The following IQGAP2 variants were observed in gnomAD, a reference collection of about 807,000 sequenced individuals.
IQGAP2 encodes IQ motif containing GTPase activating protein 2, also known as ras GTPase-activating-like protein IQGAP2.
A neutral mutation model predicts 201.3 loss-of-function variants in IQGAP2; 173 were observed. The ratio of observed to expected loss-of-function variants is 0.86; its 90% CI spans 0.76 to 0.98. IQGAP2 has a LOEUF of 0.98. Among genes scored for constraint, IQGAP2 ranks in the 50% least tolerant of loss-of-function variants. The probability of loss-of-function intolerance (pLI) is 0.00; values close to 1 mark genes in which losing one functional copy is unlikely to be tolerated. For missense variants in IQGAP2, 1,687 were observed against 1,864.8 expected, an observed-to-expected ratio of 0.90 and a Z score of 1.76; for synonymous variants, 675 against 673.9, an observed-to-expected ratio of 1.00 and a Z score of -0.03.
chr5:76,438,023 T>G lies in IQGAP2; in HGVS notation c.47-23547T>G, dbSNP rs1561371521. 2.6e-3 allele frequency among the ~76,000 whole-genome samples: 142 copies of G among 54,540 alleles called. 1 individual carries two copies. Among genetic ancestry groups the G allele is most frequent in the African/African-American group, 9.1e-3 (138 of 15,218 alleles). 35.8% of individuals were successfully genotyped at this position (54,540 alleles called of 152,430 possible). ...TTGGTCTGTAGTTTTTTTTTTTTTT[T>G]TTTTTTTGTTTGTTTTTTTTTTTGT... On this transcript the variant is annotated intron_variant, in intron 1 of 35. Transcript: ENST00000274364.
intron 30 of IQGAP2, 81 bp from the exon 31 acceptor site, chr5:76,693,274 T>A: frequency 1.2e-6 from 1 of 824,276 alleles, no homozygotes; most frequent in East Asian, 2.6e-5. Context: ...TGTATGTGTT[T>A]GTGCACTCTC....
intron 2 of IQGAP2, among the ~76,000 whole-genome samples, chr5:76,493,849 G>T (rs557017558): frequency 6.6e-6 from 1 of 152,176 alleles, no homozygotes; most frequent in Non-Finnish European, 1.5e-5. Context: ...TTGTTTATGA[G>T]AAAGAAAGGT....
At chr5:76,597,742 C>A in intron 10 of IQGAP2, 140 bp downstream of exon 10, 1 of 762,264 alleles carries the variant, frequency 1.3e-6, no homozygotes, top group Non-Finnish European at 2.1e-6. Flanking sequence ...CCACCTGTAC[C>A]AATTCCAAGG....
At chr5:76,501,041 C>T (rs964978071) in intron 2 of IQGAP2, among the ~76,000 whole-genome samples, 4 of 151,580 alleles carry the variant, frequency 2.6e-5, no homozygotes, top group African/African-American at 7.3e-5. Context: ...TTGGAGGCAC[C>T]GTGTACATTT....
intron 34 of IQGAP2, chr5:76,701,713 T>TTC (rs1747412201): frequency 6.6e-6 from 1 of 152,622 alleles, no homozygotes. Flanking sequence ...TTCCATCACT[T>TTC]TCTTGTCCTA....
intron 15 of IQGAP2, among the ~76,000 whole-genome samples, chr5:76,636,431 T>C (rs1751131393): frequency 6.6e-6 from 1 of 152,232 alleles, no homozygotes; most frequent in South Asian, 2.1e-4. Context: ...AAAAAATTTT[T>C]TTCTCATTTC....
At chr5:76,553,046 C>T (rs1743672091) in intron 2 of IQGAP2, among the ~76,000 whole-genome samples, 2 of 152,278 alleles carry the variant, frequency 1.3e-5, no homozygotes, top group Admixed American at 6.5e-5. Context: ...GATAGGGGCC[C>T]GTAGATGCCC....
intron 1 of IQGAP2, among the ~76,000 whole-genome samples, chr5:76,432,104 G>A (rs1241697009): frequency 1.4e-5 from 2 of 144,510 alleles, no homozygotes; most frequent in Admixed American, 1.4e-4. Flanking sequence ...TGACTTTAAT[G>A]GAATTGACTG....
At chr5:76,616,147 T>C (rs972843575) in intron 13 of IQGAP2, 2 of 152,452 alleles carry the variant, frequency 1.3e-5, no homozygotes, top group African/African-American at 4.8e-5. Flanking sequence ...TAAATATAAA[T>C]GAACTATATA....
At chr5:76,526,857 C>G (rs1407273986) in intron 2 of IQGAP2, among the ~76,000 whole-genome samples, 1 of 152,144 alleles carries the variant, frequency 6.6e-6, no homozygotes, top group African/African-American at 2.4e-5. Context: ...AGTGTGGATA[C>G]CTTGATTTTG....
chr5:76,689,981 G>A (rs1350216792), intron 30 of IQGAP2, among the ~76,000 whole-genome samples: 2 of 152,138 alleles, frequency 1.3e-5, no homozygotes, highest in Middle Eastern at 3.2e-3. Flanking sequence ...TGGGGTTTGA[G>A]CACAGCTATG....
At chr5:76,481,277 A>C (rs1199482473) in intron 2 of IQGAP2, among the ~76,000 whole-genome samples, 1 of 152,124 alleles carries the variant, frequency 6.6e-6, no homozygotes, top group Non-Finnish European at 1.5e-5. Flanking sequence ...TACCTTTTCT[A>C]CTAGCCACAG....
rs1399521208 is a variant in IQGAP2 at position 76,695,470 on chromosome 5, C to T, written c.4010C>T (p.Thr1337Met). The change falls in exon 32 of 36, where the codon ACG becomes ATG. Residue 1337 changes from threonine (T) to methionine (M), a missense_variant. Transcript: ENST00000274364. ...ATAQQEVDHA[T>M]DMVSRAMIDS... ...TCTTTTCAGGAGGTAGACCATGCCA[C>T]GGACATGGTGAGCCGTGCAATGATA... is the stretch of plus-strand genomic sequence containing the variant. 4.3e-6 allele frequency: 7 copies of T among 1,613,480 alleles called. No homozygotes were observed. Among genetic ancestry groups the T allele is most frequent in the Admixed American group, 3.3e-5 (2 of 59,984 alleles).
chr5:76,609,311 AG>A, intron 12 of IQGAP2: 1 of 1,374,660 alleles, frequency 7.3e-7, no homozygotes, highest in South Asian at 1.2e-5. Flanking sequence ...TAAATCCTAT[AG>A]GGTAAAACGA....
At chr5:76,499,312 T>A (rs961389212) in intron 2 of IQGAP2, among the ~76,000 whole-genome samples, 1 of 152,256 alleles carries the variant, frequency 6.6e-6, no homozygotes, top group Non-Finnish European at 1.5e-5. Context: ...GCTCACTCTT[T>A]CTGCCCCTCT....
intron 2 of IQGAP2, among the ~76,000 whole-genome samples, chr5:76,518,889 A>G (rs1445276581): frequency 1.3e-5 from 2 of 152,122 alleles, no homozygotes; most frequent in African/African-American, 4.8e-5. Context: ...AATGTGATTG[A>G]GTTTCAAGTT....
chr5:76,601,541 A>G (rs2150323792), intron 11 of IQGAP2, among the ~76,000 whole-genome samples: 1 of 152,348 alleles, frequency 6.6e-6, no homozygotes, highest in African/African-American at 2.4e-5. Context: ...ATTGTTATAA[A>G]ACACTATAGC....
intron 2 of IQGAP2, among the ~76,000 whole-genome samples, chr5:76,522,629 G>A (rs1758753087): frequency 6.6e-6 from 1 of 152,206 alleles, no homozygotes; most frequent in Non-Finnish European, 1.5e-5. Flanking sequence ...GAATTCAGCA[G>A]CACTCAAAAT....
intron 13 of IQGAP2, chr5:76,617,217 G>A (rs1350525410): frequency 6.4e-5 from 11 of 172,206 alleles, no homozygotes; most frequent in African/African-American, 1.7e-4. Context: ...GGCTGAGGCC[G>A]GAAGATCACT....
Sources: allele counts gnomAD v4.1 joint callset (sites outside exome capture counted in the v4.1 genomes callset), GRCh38; gene constraint gnomAD v4.1.1; transcripts MANE v1.5; gene names NCBI Gene and HGNC (gene_info 2026-07-23, HGNC 2026-07-21).